Variants in CERS6 observed in about 807,000 individuals in gnomAD.
The protein encoded by CERS6 is ceramide synthase 6.
CERS6 carries 26 observed loss-of-function variants against 56.8 expected under a neutral mutation model. That is an observed-to-expected ratio of 0.46 (90% CI 0.34 to 0.63). The LOEUF is 0.63. Among genes scored for constraint, CERS6 ranks in the 30% least tolerant of loss-of-function variants. The pLI, the probability that CERS6 is intolerant of heterozygous loss-of-function variation, is 0.01. For missense variants in CERS6, 415 were observed against 467.5 expected (o/e 0.89, Z 1.04); for synonymous variants, 164 against 173.3 (o/e 0.95, Z 0.42).
chr2:168,693,949 G>T (rs1011642927), intron 5 of CERS6, among the ~76,000 whole-genome samples: 1 of 152,136 alleles, frequency 6.6e-6, no homozygotes, highest in Non-Finnish European at 1.5e-5. Context: ...ATTCCCATGC[G>T]TAGAGTGGGT....
chr2:168,466,056 C>T (rs903009526), intron 1 of CERS6, among the ~76,000 whole-genome samples: 8 of 150,646 alleles, frequency 5.3e-5, no homozygotes, highest in Non-Finnish European at 7.4e-5. Context: ...TCTAGGAGAG[C>T]GCCTCTTCTT....
intron 4 of CERS6, among the ~76,000 whole-genome samples, chr2:168,631,722 TTTATA>T (rs1462471365): frequency 8.3e-6 from 1 of 120,638 alleles, no homozygotes; most frequent in Non-Finnish European, 1.6e-5. Context: ...TATATTTATA[TTTATA>T]TTATATATAA....
intron 6 of CERS6, among the ~76,000 whole-genome samples, chr2:168,697,921 G>A (rs1423967489): frequency 2.6e-5 from 4 of 152,202 alleles, no homozygotes; most frequent in Non-Finnish European, 5.9e-5. Flanking sequence ...ATCACATGTG[G>A]AATGTGGCTT....
chr2:168,504,945 A>G (rs1035258288), intron 1 of CERS6, among the ~76,000 whole-genome samples: 4 of 152,164 alleles, frequency 2.6e-5, no homozygotes, highest in Non-Finnish European at 5.9e-5. Flanking sequence ...AGCCAAGTGT[A>G]TCAGGCGGTT....
At chr2:168,665,114 G>A (rs1160810806) in intron 4 of CERS6, among the ~76,000 whole-genome samples, 1 of 152,044 alleles carries the variant, frequency 6.6e-6, no homozygotes, top group Non-Finnish European at 1.5e-5. Flanking sequence ...TCTTTTCTAG[G>A]ATCCTTCAAC....
chr2:168,771,222 C>T lies in CERS6; in HGVS notation c.*1560C>T, dbSNP rs970735527. ...AGAGAGTGCGTATCCTGCTCAGAAC[C>T]ATTCACATTTAATTCAATTCTTGGA... On this transcript the variant is annotated 3_prime_UTR_variant, in exon 10 of 10. Coordinates refer to ENST00000305747, the MANE Select transcript of CERS6 (RefSeq NM_203463.3). 2.0e-5 allele frequency: 3 copies of T among 152,150 alleles called. No homozygotes were observed. Among genetic ancestry groups the T allele is most frequent in the African/African-American group, 7.2e-5 (3 of 41,432 alleles). 9.4% of individuals were successfully genotyped at this position (152,150 alleles called of 1,614,324 possible).
chr2:168,725,383 G>A (rs1036351740), intron 8 of CERS6, among the ~76,000 whole-genome samples: 6 of 152,374 alleles, frequency 3.9e-5, no homozygotes, highest in East Asian at 3.9e-4. Context: ...CTCAAGTGCC[G>A]CCAAAGTGGG....
At chr2:168,651,635 C>T (rs1348071312) in intron 4 of CERS6, among the ~76,000 whole-genome samples, 1 of 152,120 alleles carries the variant, frequency 6.6e-6, no homozygotes, top group African/African-American at 2.4e-5. Context: ...GGGGAACCGC[C>T]AGACCCTTTT....
chr2:168,583,307 A>G (rs186239628), intron 3 of CERS6, among the ~76,000 whole-genome samples: 6 of 152,316 alleles, frequency 3.9e-5, no homozygotes, highest in Non-Finnish European at 8.8e-5. Flanking sequence ...GAGAGACTCC[A>G]CCAAGAAAGT....
chr2:168,672,318 A>G (rs2105340490), intron 4 of CERS6, among the ~76,000 whole-genome samples: 1 of 152,346 alleles, frequency 6.6e-6, no homozygotes, highest in South Asian at 2.1e-4. Context: ...TCTGAAAAGT[A>G]TAGTATATAT....
At position 168,772,417 on chromosome 2, in the gene CERS6, G is replaced by GTA. The variant is rs764222943; in HGVS notation, c.*2763_*2764dup. 1.3e-5 allele frequency: 2 copies of GTA among 152,558 alleles called. No individual in the cohort carries two copies. Among genetic ancestry groups the GTA allele is most frequent in the Admixed American group, 6.5e-5 (1 of 15,268 alleles). 9.5% of individuals were successfully genotyped at this position (152,558 alleles called of 1,614,324 possible). The stretch of plus-strand genomic sequence containing the variant: ...ATATAAAAACATGTGTTCTATTTAT[G>GTA]TATATATATGTATGTTTCTCCAAAA... On this transcript the variant is annotated 3_prime_UTR_variant, in exon 10 of 10. Coordinates refer to ENST00000305747, the MANE Select transcript of CERS6 (RefSeq NM_203463.3).
chr2:168,714,001 A>G (rs13386271), intron 6 of CERS6, among the ~76,000 whole-genome samples: 1 of 152,158 alleles, frequency 6.6e-6, no homozygotes, highest in Non-Finnish European at 1.5e-5. Context: ...AACAACAGAA[A>G]TTGATTTCTT....
intron 3 of CERS6, among the ~76,000 whole-genome samples, chr2:168,628,688 A>G (rs1684644873): frequency 6.6e-6 from 1 of 152,212 alleles, no homozygotes; most frequent in African/African-American, 2.4e-5. Flanking sequence ...TCCGACTGAT[A>G]CAGATTTTGC....
chr2:168,620,983 G>C lies in CERS6; in HGVS notation c.408-10002G>C, dbSNP rs549447794. On this transcript the variant is annotated intron_variant, in intron 3 of 9. Coordinates refer to ENST00000305747, the MANE Select transcript of CERS6 (RefSeq NM_203463.3). ...TCAGTATGTTGCCCAGGCTAGTCTT[G>C]AACTCCTGGGCTCAAGCAGTCTGCC... 5.9e-5 allele frequency among the ~76,000 whole-genome samples: 9 copies of C among 152,158 alleles called. No individual in the cohort carries two copies. The South Asian group carries it at 1.9e-3, about 32-fold the overall frequency.
At chr2:168,704,401 TG>T (rs1282108537) in intron 6 of CERS6, among the ~76,000 whole-genome samples, 3 of 152,038 alleles carry the variant, frequency 2.0e-5, no homozygotes, top group Admixed American at 2.0e-4. Context: ...CAGCTTCTCA[TG>T]GGGAGTTTCT....
intron 3 of CERS6, among the ~76,000 whole-genome samples, chr2:168,581,979 C>G (rs1288421298): frequency 6.6e-6 from 1 of 152,196 alleles, no homozygotes; most frequent in Non-Finnish European, 1.5e-5. Context: ...ACCATGACTC[C>G]CAGGCCCACC....
At chr2:168,466,549 G>A (rs1693881644) in intron 1 of CERS6, among the ~76,000 whole-genome samples, 1 of 152,184 alleles carries the variant, frequency 6.6e-6, no homozygotes, top group Non-Finnish European at 1.5e-5. Flanking sequence ...AAAACAATCT[G>A]ATTAGAAGCA....
intron 3 of CERS6, among the ~76,000 whole-genome samples, chr2:168,572,057 C>G (rs1695999367): frequency 6.6e-6 from 1 of 152,192 alleles, no homozygotes; most frequent in Admixed American, 6.5e-5. Context: ...CAGCATTAAA[C>G]ACTTGGTACA....
chr2:168,748,836 G>GA lies in CERS6; in HGVS notation c.846-16756_846-16755insA, dbSNP rs1449084001. Among the ~76,000 whole-genome samples the GA allele has an allele frequency of 2.9e-5, 4 of 137,876 alleles. No homozygotes were observed. In the South Asian group the frequency reaches 1.1e-3, roughly 38 times the overall value. The allele number at this position is 137,876 out of a possible 152,430, so 90.5% of individuals were successfully genotyped here. A position where few individuals can be genotyped will look rare whatever the true frequency, so the allele number is the denominator to read the frequency against. ...AGAAATGGCGTGGTTGGGGGTGGGG[G>GA]GGGGGCAGGTATTAAATGCCATGCT... On this transcript the variant is annotated intron_variant, in intron 8 of 9. Transcript: ENST00000305747.
Sources: gnomAD v4.1 joint callset for allele counts (sites outside exome capture counted in the v4.1 genomes callset) on GRCh38, gnomAD v4.1.1 for gene constraint, MANE v1.5 for transcripts, NCBI Gene and HGNC (gene_info 2026-07-23, HGNC 2026-07-21) for gene names.